The following CRYBG1 variants were observed in gnomAD, a reference collection of about 807,000 sequenced individuals.
The protein encoded by CRYBG1 is crystallin beta-gamma domain containing 1, also known as beta/gamma crystallin domain-containing protein 1.
CRYBG1 carries 139 observed loss-of-function variants against 189.2 expected under a neutral mutation model. The ratio of observed to expected loss-of-function variants is 0.73; its 90% CI spans 0.64 to 0.85. The LOEUF is 0.85. CRYBG1 is among the 40% of genes least tolerant of loss of function. The pLI, the probability that CRYBG1 is intolerant of heterozygous loss-of-function variation, is 0.00. For missense variants in CRYBG1, 2,611 were observed against 2,675.8 expected (o/e 0.98, Z 0.53); for synonymous variants, 1,023 against 1,017.1 (o/e 1.01, Z -0.11).
intron 2 of CRYBG1, among the ~76,000 whole-genome samples, chr6:106,484,740 C>A (rs1389915125): frequency 6.6e-6 from 1 of 151,836 alleles, no homozygotes; most frequent in Admixed American, 6.6e-5. Context: ...AATCCTAGAA[C>A]TTTGGGAAGC....
chr6:106,543,662 CT>C (rs1562112553), intron 11 of CRYBG1, 65 bp downstream of exon 11: 1 of 1,511,000 alleles, frequency 6.6e-7, no homozygotes, highest in East Asian at 2.3e-5. Flanking sequence ...TAAATGTGCC[CT>C]TTCCCCCCTA....
chr6:106,568,377 G>A, intron 21 of CRYBG1, 95 bp from the exon 22 acceptor site: 1 of 965,392 alleles, frequency 1.0e-6, no homozygotes, highest in Non-Finnish European at 1.6e-6. Flanking sequence ...TTGTTTACTT[G>A]CTTACTTTTG....
rs753101640 is a variant in CRYBG1, at chr6:106,512,890, C to A, written c.1773C>A (p.Leu591=). 9 of 1,600,258 alleles carry A rather than the reference C, an allele frequency of 5.6e-6. No individual in the cohort carries two copies. Among genetic ancestry groups the A allele is most frequent in the Admixed American group, 5.1e-5 (3 of 58,270 alleles). ...EIKPEHKRGP[L]PNHFNGRAEG... ...AGCCCGAGCACAAGAGGGGCCCGCT[C>A]CCCAACCACTTCAACGGCCGGGCAG... Residue 591 remains leucine (L), a synonymous_variant, in exon 3 of 22, where the codon CTC becomes CTA. Coordinates refer to ENST00000633556, the MANE Select transcript of CRYBG1 (RefSeq NM_001371242.2).
rs1044362279 is a variant in CRYBG1 at position 106,511,909 on chromosome 6, G to A, written c.792G>A (p.Arg264=). 15 of 1,524,064 alleles carry A rather than the reference G, an allele frequency of 9.8e-6. No homozygotes were observed. The African/African-American group carries it at 1.9e-4, about 20-fold the overall frequency. 94.4% of individuals were successfully genotyped at this position (1,524,064 alleles called of 1,614,324 possible). Residue 264 remains arginine, a synonymous_variant, in exon 3 of 22, where the codon AGG becomes AGA. Transcript: ENST00000633556. ...QLHSSPGNSS[R]QENAETPARS... ...ATTCCTCGCCGGGAAATTCCTCCAGGCAAGAGAACGCAGAGACGCCCGCCC... is the reference window on the plus strand; with the variant it reads ...ATTCCTCGCCGGGAAATTCCTCCAGACAAGAGAACGCAGAGACGCCCGCCC...
intron 17 of CRYBG1, among the ~76,000 whole-genome samples, chr6:106,557,783 A>G (rs2114593346): frequency 6.6e-6 from 1 of 152,348 alleles, no homozygotes; most frequent in East Asian, 1.9e-4. Flanking sequence ...TACTATCATT[A>G]GAGATTAATG....
At chr6:106,447,082 G>A (rs1771676773) in intron 1 of CRYBG1, among the ~76,000 whole-genome samples, 1 of 152,208 alleles carries the variant, frequency 6.6e-6, no homozygotes. Flanking sequence ...GAGGTACAAA[G>A]GAGTATAATT....
Position 106,525,325 on chromosome 6 carries a change from A to C in CRYBG1, c.4351A>C (p.Ile1451Leu). The change falls in exon 6 of 22, where the codon ATT (isoleucine) becomes CTT (leucine). Residue 1451 changes from isoleucine to leucine, a missense_variant. This residue lies in a region of CRYBG1 where 1,622 missense variants were observed against 1,735.0 expected (regional missense o/e 0.93). Transcript: ENST00000633556. ...SEKCIEVFSDIQDCSSWSLSP... is the reference protein window; with the variant it reads ...SEKCIEVFSDLQDCSSWSLSP... ...GAAGTGCATTGAAGTTTTCAGTGAC[A>C]TTCAGGATTGCAGTTCTTGGAGCCT... is the stretch of plus-strand genomic sequence containing the variant. 2.5e-6 allele frequency: 4 copies of C among 1,614,200 alleles called. No homozygotes were observed. The highest frequency in any genetic ancestry group is 3.4e-6 in the Non-Finnish European group (4 of 1,180,022).
At chr6:106,501,702 A>G (rs1418891099) in intron 2 of CRYBG1, among the ~76,000 whole-genome samples, 1 of 152,216 alleles carries the variant, frequency 6.6e-6, no homozygotes, top group African/African-American at 2.4e-5. Flanking sequence ...ATTTGATCCC[A>G]TTTAGTAGTA....
chr6:106,473,713 A>G lies in CRYBG1; in HGVS notation c.312+21881A>G, dbSNP rs548261191. On this transcript the variant is annotated intron_variant, in intron 2 of 21. Coordinates refer to ENST00000633556, the MANE Select transcript of CRYBG1 (RefSeq NM_001371242.2). ...GAATGGCAAGAATTTTAAATACGGT[A>G]ATATTCCTGATCTACTCTTAATGCC... Among the ~76,000 whole-genome samples the G allele has an allele frequency of 3.9e-5, 6 of 152,334 alleles. No homozygotes were observed. The South Asian group carries it at 1.2e-3, about 32-fold the overall frequency.
Position 106,555,837 on chromosome 6 carries a change from T to C in CRYBG1, c.5655T>C (p.Cys1885=). 6.2e-7 allele frequency: 1 copy of C among 1,614,216 alleles called. No individual in the cohort carries two copies. The highest frequency in any genetic ancestry group is 8.5e-7 in the Non-Finnish European group (1 of 1,180,016). The stretch of plus-strand genomic sequence containing the variant: ...TGTTGGAAGAAGGCCATTATCCTTG[T>C]CTGTCTGCAATGGGATGCCCGCCTG... ...QYVLEEGHYP[C]LSAMGCPPGA... is the part of the protein sequence containing the mutation. The change falls in exon 17 of 22, where the codon TGT becomes TGC. Residue 1885 remains cysteine, a synonymous_variant. Coordinates refer to ENST00000633556, the MANE Select transcript of CRYBG1 (RefSeq NM_001371242.2).
At chr6:106,464,471 C>CGACAGAGT (rs1582777899) in intron 2 of CRYBG1, among the ~76,000 whole-genome samples, 1 of 139,304 alleles carries the variant, frequency 7.2e-6, no homozygotes, top group East Asian at 2.1e-4. Context: ...TCAGCCTGGG[C>CGACAGAGT]GACAGAGTGA....
intron 1 of CRYBG1, among the ~76,000 whole-genome samples, chr6:106,422,030 G>A (rs11152986): frequency 0.11 from 17,244 of 152,152 alleles, 1,024 homozygotes; most frequent in East Asian, 0.15. Context: ...CACAACACAT[G>A]GGAGCTACAA....
In CRYBG1 at chr6:106,511,915, G is replaced by T; in HGVS notation, c.798G>T (p.Glu266Asp). The T allele has an allele frequency of 2.0e-6, 3 of 1,524,854 alleles. No homozygotes were observed. Among genetic ancestry groups the T allele is most frequent in the Non-Finnish European group, 2.6e-6 (3 of 1,139,904 alleles). The allele number at this position is 1,524,854 out of a possible 1,614,324, so 94.5% of individuals were successfully genotyped here. A position where few individuals can be genotyped will look rare whatever the true frequency, so the allele number is the denominator to read the frequency against. Reference sequence around the variant, plus strand: ...CGCCGGGAAATTCCTCCAGGCAAGAGAACGCAGAGACGCCCGCCCGCAGTC... The same window carrying T: ...CGCCGGGAAATTCCTCCAGGCAAGATAACGCAGAGACGCCCGCCCGCAGTC... Reference protein sequence around the residue: ...HSSPGNSSRQENAETPARSPG... With the variant: ...HSSPGNSSRQDNAETPARSPG... Residue 266 changes from glutamate (E) to aspartate (D), a missense_variant, in exon 3 of 22, where the codon GAG becomes GAT. Physicochemically the swap from Glu to Asp is conservative, Grantham distance 45. Transcript: ENST00000633556.
chr6:106,407,303 T>A (rs117510946), intron 1 of CRYBG1, among the ~76,000 whole-genome samples: 2 of 152,196 alleles, frequency 1.3e-5, no homozygotes, highest in East Asian at 3.9e-4. Flanking sequence ...CACTACATAA[T>A]GGTAAAGAGA....
intron 15 of CRYBG1, 195 bp downstream of exon 15, chr6:106,552,411 C>A: frequency 3.5e-6 from 1 of 284,538 alleles, no homozygotes; most frequent in Non-Finnish European, 6.6e-6. Context: ...CATGGGGAAA[C>A]CCCGTCTTTA....
At chr6:106,474,245 G>A (rs1168557065) in intron 2 of CRYBG1, among the ~76,000 whole-genome samples, 1 of 152,198 alleles carries the variant, frequency 6.6e-6, no homozygotes, top group Admixed American at 6.5e-5. Context: ...TCAGGAGGCT[G>A]AGATGGGAGG....
chr6:106,362,492 T>C (rs1439261028), intron 1 of CRYBG1, among the ~76,000 whole-genome samples: 1 of 151,948 alleles, frequency 6.6e-6, no homozygotes, highest in Non-Finnish European at 1.5e-5. Context: ...GGAGGATAGG[T>C]GAAGTGGCTT....
chr6:106,466,578 CAACTT>C (rs1242340321), intron 2 of CRYBG1, among the ~76,000 whole-genome samples: 3 of 152,222 alleles, frequency 2.0e-5, no homozygotes, highest in Non-Finnish European at 4.4e-5. Context: ...ACATTACCGA[CAACTT>C]AATCTAAACC....
chr6:106,520,356 C>T lies in CRYBG1; in HGVS notation c.3148C>T (p.Pro1050Ser). Residue 1050 changes from proline to serine, a missense_variant, in exon 4 of 22, where the codon CCC (proline) becomes TCC (serine). Coordinates refer to ENST00000633556, the MANE Select transcript of CRYBG1 (RefSeq NM_001371242.2). The part of the protein sequence containing the change: ...IQAQSQGSRT[P>S]LMAESSPTNS... The stretch of plus-strand genomic sequence containing the variant: ...GGCTCAAAGTCAGGGCAGCAGAACA[C>T]CCCTGATGGCTGAATCCAGTCCCAC... 6.2e-7 allele frequency: 1 copy of T among 1,614,138 alleles called. No homozygotes were observed. The highest frequency in any genetic ancestry group is 8.5e-7 in the Non-Finnish European group (1 of 1,180,036).
Sources: gnomAD v4.1 joint callset for allele counts (sites outside exome capture counted in the v4.1 genomes callset) on GRCh38, gnomAD v4.1.1 for gene constraint, gnomAD v4.1.1 regional missense constraint, MANE v1.5 for transcripts, NCBI Gene and HGNC (gene_info 2026-07-23, HGNC 2026-07-21) for gene names.